Variants in GLIS3 observed in about 807,000 individuals in gnomAD.
The protein encoded by GLIS3 is zinc finger protein GLIS3.
Under a neutral mutation model 78.6 loss-of-function variants are expected in GLIS3, and 53 were observed. The observed-to-expected ratio is 0.67, with a 90% CI of 0.54 to 0.85. The LOEUF (loss-of-function observed/expected upper bound fraction) is 0.85, where lower values mean the gene tolerates loss of function less well. GLIS3 is among the 40% of genes least tolerant of loss of function. The probability of loss-of-function intolerance (pLI) is 0.00; values close to 1 mark genes in which losing one functional copy is unlikely to be tolerated. For missense variants in GLIS3, 1,703 were observed against 1,231.1 expected (o/e 1.38, Z -5.74); for synonymous variants, 684 against 509.9 (o/e 1.34, Z -4.60).
chr9:4,374,270 G>C, the GLIS3 span, among the ~76,000 whole-genome samples: 1 of 152,204 alleles, frequency 6.6e-6, no homozygotes, highest in African/African-American at 2.4e-5. Context: ...CTGAAGCAAT[G>C]GCTGTTATGG....
chr9:3,833,893 T>C (rs1255093834), intron 9 of GLIS3, among the ~76,000 whole-genome samples: 1 of 152,154 alleles, frequency 6.6e-6, no homozygotes, highest in Non-Finnish European at 1.5e-5. Context: ...CTTCTCTCAG[T>C]TTTGGGAAGT....
rs1196831746 is a variant in GLIS3 at position 3,825,274 on chromosome 9, G to C, written c.*2998C>G. ...TATTTTATGATCGCTTATGTAATTT[G>C]AGGGCGACATGGGTAATGGGAGATA... is the stretch of plus-strand genomic sequence containing the variant. On this transcript the variant is annotated 3_prime_UTR_variant, in exon 11 of 11. Transcript: ENST00000381971. The C allele has an allele frequency of 3.3e-5, 5 of 151,902 alleles. No homozygotes were observed. The highest frequency in any genetic ancestry group is 5.9e-5 in the Non-Finnish European group (4 of 68,000). 9.4% of individuals were successfully genotyped at this position (151,902 alleles called of 1,614,324 possible). A position where few individuals can be genotyped will look rare whatever the true frequency, so the allele number is the denominator to read the frequency against.
In GLIS3 at chr9:4,279,297, C is replaced by CA. The variant is rs56734583; in HGVS notation, c.388+6740dup. ...TGGGCAACAGAGCAAGACTCCATCT[C>CA]AAAAAAAAAAAAAAAAAATATATAT... is the stretch of plus-strand genomic sequence containing the variant. On this transcript the variant is annotated intron_variant, in intron 2 of 10. Coordinates refer to ENST00000381971, the MANE Select transcript of GLIS3 (RefSeq NM_001042413.2). Among the ~76,000 whole-genome samples the CA allele has an allele frequency of 2.3e-4, 21 of 91,978 alleles. 2 individuals are homozygous for CA. The highest frequency in any genetic ancestry group is 5.0e-4 in the African/African-American group (12 of 24,192). The allele number at this position is 91,978 out of a possible 152,430, so 60.3% of individuals were successfully genotyped here.
At chr9:4,185,771 G>C (rs879608142) in intron 2 of GLIS3, among the ~76,000 whole-genome samples, 1 of 152,118 alleles carries the variant, frequency 6.6e-6, no homozygotes, top group African/African-American at 2.4e-5. Flanking sequence ...CAAAGCTATA[G>C]GAATGAATCG....
At chr9:4,323,891 C>T (rs1817569826) in intron 2 of GLIS3, among the ~76,000 whole-genome samples, 3 of 152,210 alleles carry the variant, frequency 2.0e-5, no homozygotes, top group Admixed American at 2.0e-4. Context: ...TCTAACTAAA[C>T]ATATTAAGAA....
chr9:4,406,252 G>A, the GLIS3 span, among the ~76,000 whole-genome samples: 2 of 152,178 alleles, frequency 1.3e-5, no homozygotes, highest in African/African-American at 4.8e-5. Context: ...AGAAAAAAAA[G>A]GGCATCCCAA....
intron 4 of GLIS3, among the ~76,000 whole-genome samples, chr9:4,028,296 C>G (rs1823520464): frequency 6.6e-6 from 1 of 152,150 alleles, no homozygotes. Flanking sequence ...TGAGATCATG[C>G]ATTTTGTAAG....
chr9:4,383,529 G>C, the GLIS3 span, among the ~76,000 whole-genome samples: 1 of 152,100 alleles, frequency 6.6e-6, no homozygotes, highest in African/African-American at 2.4e-5. Flanking sequence ...AACAAATTAA[G>C]AACAGCATGT....
chr9:4,297,940 G>C lies in GLIS3; in HGVS notation c.-99+1481C>G, dbSNP rs532705114. Among the ~76,000 whole-genome samples, 14 of 143,366 alleles carry C rather than the reference G, an allele frequency of 9.8e-5. No individual in the cohort carries two copies. In the South Asian group the frequency reaches 2.8e-3, roughly 29 times the overall value. 94.1% of individuals were successfully genotyped at this position (143,366 alleles called of 152,430 possible). A position where few individuals can be genotyped will look rare whatever the true frequency, so the allele number is the denominator to read the frequency against. On this transcript the variant is annotated intron_variant, in intron 1 of 10. Coordinates refer to ENST00000381971, the MANE Select transcript of GLIS3 (RefSeq NM_001042413.2). Reference sequence around the variant, plus strand: ...TCGGAGATTCCTCGGCGCGGAGCTAGGGGCGGGTCCGGAGGCGGAGGCGAC... The same window carrying C: ...TCGGAGATTCCTCGGCGCGGAGCTACGGGCGGGTCCGGAGGCGGAGGCGAC...
At chr9:4,250,642 G>A (rs545375800) in intron 2 of GLIS3, among the ~76,000 whole-genome samples, 1 of 152,020 alleles carries the variant, frequency 6.6e-6, no homozygotes, top group Non-Finnish European at 1.5e-5. Context: ...GTTATTTCTT[G>A]TCTGCTGCTA....
chr9:3,917,579 C>T (rs1451012590), intron 6 of GLIS3, among the ~76,000 whole-genome samples: 1 of 151,892 alleles, frequency 6.6e-6, no homozygotes, highest in African/African-American at 2.4e-5. Flanking sequence ...GAAGTGACTT[C>T]TAAAACACTA....
At chr9:4,298,996 T>A (rs2130469510) in intron 1 of GLIS3, among the ~76,000 whole-genome samples, 1 of 152,262 alleles carries the variant, frequency 6.6e-6, no homozygotes, top group South Asian at 2.1e-4. Flanking sequence ...TCGCCAAAGT[T>A]TCCCTTCAGT....
chr9:4,072,391 C>A (rs933831982), intron 4 of GLIS3, among the ~76,000 whole-genome samples: 1 of 152,178 alleles, frequency 6.6e-6, no homozygotes, highest in African/African-American at 2.4e-5. Flanking sequence ...ATACAATGTT[C>A]CCATGTGGTG....
intron 2 of GLIS3, among the ~76,000 whole-genome samples, chr9:4,248,163 C>T (rs750614341): frequency 1.3e-5 from 2 of 152,056 alleles, no homozygotes; most frequent in Non-Finnish European, 2.9e-5. Context: ...TAGGTATGCA[C>T]GTGACATAAT....
chr9:4,338,781 G>A (rs965100052), intron 2 of GLIS3, among the ~76,000 whole-genome samples: 7 of 152,126 alleles, frequency 4.6e-5, no homozygotes, highest in African/African-American at 1.4e-4. Context: ...GCCTCATATT[G>A]TATCACCTAA....
At chr9:4,470,288 A>G in the GLIS3 span, among the ~76,000 whole-genome samples, 2 of 151,944 alleles carry the variant, frequency 1.3e-5, no homozygotes, top group Non-Finnish European at 2.9e-5. Flanking sequence ...AAACCCTGGC[A>G]GAGACAAAAA....
intron 2 of GLIS3, among the ~76,000 whole-genome samples, chr9:4,339,224 C>G: frequency 6.6e-6 from 1 of 152,272 alleles, no homozygotes. Context: ...TCCTCAATGA[C>G]TGGATTTGTC....
chr9:4,480,431 G>A, the GLIS3 span, among the ~76,000 whole-genome samples: 1 of 151,988 alleles, frequency 6.6e-6, no homozygotes, highest in Non-Finnish European at 1.5e-5. Flanking sequence ...TGAAGTCCAG[G>A]TTCAAGTGAT....
intron 4 of GLIS3, among the ~76,000 whole-genome samples, chr9:3,971,179 T>C (rs1233011267): frequency 6.6e-6 from 1 of 151,912 alleles, no homozygotes; most frequent in Non-Finnish European, 1.5e-5. Context: ...AATGGAGCAA[T>C]GGCAAGATAG....
Sources: allele counts gnomAD v4.1 joint callset (sites outside exome capture counted in the v4.1 genomes callset), GRCh38; gene constraint gnomAD v4.1.1; transcripts MANE v1.5; gene names NCBI Gene and HGNC (gene_info 2026-07-23, HGNC 2026-07-21).